Variants in RAPGEF4 observed in about 807,000 individuals in gnomAD.
RAPGEF4 encodes the protein Rap guanine nucleotide exchange factor 4.
RAPGEF4 carries 66 observed loss-of-function variants against 147.9 expected under a neutral mutation model. That is an observed-to-expected ratio of 0.45 (90% CI 0.37 to 0.55). RAPGEF4 has a LOEUF of 0.55. RAPGEF4 is among the 20% of genes least tolerant of loss of function. RAPGEF4 has a pLI of 0.00. For synonymous variants in RAPGEF4, 419 were observed against 442.7 expected (o/e 0.95, Z 0.67); for missense variants, 1,071 against 1,257.3 (o/e 0.85, Z 2.24).
intron 25 of RAPGEF4, among the ~76,000 whole-genome samples, chr2:173,029,130 C>A (rs1189236671): frequency 6.6e-6 from 1 of 152,212 alleles, no homozygotes; most frequent in Non-Finnish European, 1.5e-5. Context: ...ACACCAAAGG[C>A]CTCACTTGCT....
chr2:172,876,377 A>C (rs7598685), intron 4 of RAPGEF4, among the ~76,000 whole-genome samples: 152,273 of 152,274 alleles, frequency 1, 76,136 homozygotes, highest in Middle Eastern at 1. Flanking sequence ...ATGATATTGG[A>C]TGTGGGTTTG....
At chr2:172,948,807 T>C (rs2105373113) in intron 6 of RAPGEF4, among the ~76,000 whole-genome samples, 1 of 150,654 alleles carries the variant, frequency 6.6e-6, no homozygotes, top group Middle Eastern at 3.4e-3. Context: ...TATTGTAGGG[T>C]AGAGGGTAGG....
chr2:172,918,594 T>C (rs1684364706), intron 5 of RAPGEF4, among the ~76,000 whole-genome samples: 1 of 152,198 alleles, frequency 6.6e-6, no homozygotes, highest in Non-Finnish European at 1.5e-5. Flanking sequence ...TTCTCTGTGG[T>C]ATTCTTCTCT....
intron 1 of RAPGEF4, among the ~76,000 whole-genome samples, chr2:172,768,305 T>C (rs1010866412): frequency 2.0e-5 from 3 of 152,150 alleles, no homozygotes; most frequent in Admixed American, 6.5e-5. Flanking sequence ...CATTTTAAAA[T>C]GTGAAGAGGA....
At chr2:172,797,504 A>G in intron 2 of RAPGEF4, 21 bp from the exon 3 acceptor site, 7 of 1,591,944 alleles carry the variant, frequency 4.4e-6, no homozygotes, top group Non-Finnish European at 6.0e-6. Flanking sequence ...TTATATTTAT[A>G]TCACAATTTT....
chr2:173,035,844 ACTGTTCATT>A (rs1683926763), intron 27 of RAPGEF4, among the ~76,000 whole-genome samples: 7 of 152,322 alleles, frequency 4.6e-5, no homozygotes, highest in Non-Finnish European at 8.8e-5. Flanking sequence ...AAATGTACTG[ACTGTTCATT>A]AAAGGGAAGT....
chr2:172,770,995 C>A (rs1382061221), intron 1 of RAPGEF4, among the ~76,000 whole-genome samples: 1 of 152,010 alleles, frequency 6.6e-6, no homozygotes, highest in Non-Finnish European at 1.5e-5. Flanking sequence ...TCAGTTGTTG[C>A]AGAATATAGC....
intron 6 of RAPGEF4, among the ~76,000 whole-genome samples, chr2:172,936,513 T>G (rs879557516): frequency 2.0e-5 from 3 of 152,208 alleles, no homozygotes; most frequent in African/African-American, 4.8e-5. Context: ...ATTAAATTTT[T>G]TTAAGGATTT....
chr2:172,862,014 G>A (rs1425711546), intron 4 of RAPGEF4, among the ~76,000 whole-genome samples: 1 of 152,288 alleles, frequency 6.6e-6, no homozygotes, highest in African/African-American at 2.4e-5. Context: ...TGTCAACAGC[G>A]GCAATGGCCA....
intron 4 of RAPGEF4, among the ~76,000 whole-genome samples, chr2:172,847,140 C>T (rs977557254): frequency 1.6e-4 from 25 of 152,152 alleles, no homozygotes; most frequent in African/African-American, 6.0e-4. Context: ...CAGTGTTCTT[C>T]CTTCTCTAGT....
chr2:173,015,753 G>C (rs552357280), intron 18 of RAPGEF4, among the ~76,000 whole-genome samples: 1 of 152,300 alleles, frequency 6.6e-6, no homozygotes, highest in African/African-American at 2.4e-5. Context: ...AAGGGCATCA[G>C]AGAGTCCTGA....
At chr2:173,051,285 AGAGACACAGAGTGT>A (rs986893197) in intron 30 of RAPGEF4, among the ~76,000 whole-genome samples, 1 of 152,240 alleles carries the variant, frequency 6.6e-6, no homozygotes, top group African/African-American at 2.4e-5. Flanking sequence ...CAAAGGAGGC[AGAGACACAGAGTGT>A]GAGACACAGA....
At chr2:172,741,999 G>A (rs1367902707) in intron 1 of RAPGEF4, among the ~76,000 whole-genome samples, 3 of 151,966 alleles carry the variant, frequency 2.0e-5, no homozygotes, top group Non-Finnish European at 2.9e-5. Flanking sequence ...CCCCTTCCCT[G>A]GCTCCAACAT....
In RAPGEF4 at chr2:172,987,802, T is replaced by C. The variant is rs147976210; in HGVS notation, c.1151-394T>C. Among the ~76,000 whole-genome samples the C allele has an allele frequency of 3.9e-5, 6 of 152,356 alleles. 1 individual carries two copies. The highest frequency in any genetic ancestry group is 1.4e-4 in the African/African-American group (6 of 41,580). On this transcript the variant is annotated intron_variant, in intron 12 of 30. Coordinates refer to ENST00000397081, the MANE Select transcript of RAPGEF4 (RefSeq NM_007023.4). ...ACGAAGGGACAAGTGTGTGTAGGTATGTATCTGTAAACAATATATAGTGCT... is the reference window on the plus strand; with the variant it reads ...ACGAAGGGACAAGTGTGTGTAGGTACGTATCTGTAAACAATATATAGTGCT...
intron 6 of RAPGEF4, among the ~76,000 whole-genome samples, chr2:172,940,572 C>T (rs1354259103): frequency 6.6e-6 from 1 of 152,118 alleles, no homozygotes; most frequent in African/African-American, 2.4e-5. Flanking sequence ...TGAGGCCTCC[C>T]CATAAGTAGA....
chr2:172,923,631 T>G (rs1264329549), intron 6 of RAPGEF4, among the ~76,000 whole-genome samples: 2 of 152,242 alleles, frequency 1.3e-5, no homozygotes, highest in Non-Finnish European at 2.9e-5. Flanking sequence ...CTTCGCTTGG[T>G]CTGGCAAAGG....
intron 3 of RAPGEF4, among the ~76,000 whole-genome samples, chr2:172,801,016 G>C (rs891565755): frequency 2.6e-5 from 4 of 152,180 alleles, no homozygotes; most frequent in Admixed American, 1.3e-4. Context: ...TCATTGCTAA[G>C]TGCCTTCCTT....
At chr2:172,774,940 A>T (rs1684011062) in intron 1 of RAPGEF4, among the ~76,000 whole-genome samples, 1 of 152,182 alleles carries the variant, frequency 6.6e-6, no homozygotes. Flanking sequence ...GTGAAGAAAA[A>T]CTGTGGGATG....
chr2:172,832,308 T>C (rs1179954722), intron 4 of RAPGEF4, among the ~76,000 whole-genome samples: 2 of 152,164 alleles, frequency 1.3e-5, no homozygotes, highest in Non-Finnish European at 2.9e-5. Flanking sequence ...AAGAAACCTA[T>C]TTTTAATATA....
Sources: gnomAD v4.1 joint callset for allele counts (sites outside exome capture counted in the v4.1 genomes callset) on GRCh38, gnomAD v4.1.1 for gene constraint, MANE v1.5 for transcripts, NCBI Gene and HGNC (gene_info 2026-07-23, HGNC 2026-07-21) for gene names.